The following XRCC4 variants were observed in gnomAD, a reference collection of about 807,000 sequenced individuals.
The protein encoded by XRCC4 is X-ray repair cross complementing 4, also known as DNA repair protein XRCC4.
In XRCC4, 28 loss-of-function variants were observed where a neutral mutation model predicts 39.1. That is an observed-to-expected ratio of 0.72 (90% CI 0.53 to 0.98). The LOEUF (loss-of-function observed/expected upper bound fraction) is 0.98. Ranked by LOEUF, XRCC4 falls within the 50% of genes least tolerant of loss-of-function variation. The pLI, the probability that XRCC4 is intolerant of heterozygous loss-of-function variation, is 0.00. For synonymous variants in XRCC4, 123 were observed against 126.4 expected, an observed-to-expected ratio of 0.97 and a Z score of 0.18; for missense variants, 350 against 376.4, an observed-to-expected ratio of 0.93 and a Z score of 0.58.
intron 3 of XRCC4, among the ~76,000 whole-genome samples, chr5:83,161,344 C>A (rs2112584844): frequency 6.6e-6 from 1 of 152,222 alleles, no homozygotes; most frequent in Admixed American, 6.5e-5. Flanking sequence ...GTTGGCCAGG[C>A]TGTTCGTGAA....
intron 1 of XRCC4, among the ~76,000 whole-genome samples, chr5:83,082,809 T>C (rs1247037520): frequency 6.6e-6 from 1 of 152,130 alleles, no homozygotes; most frequent in Non-Finnish European, 1.5e-5. Context: ...TCCTCCAGTG[T>C]GGCCTAAGGA....
intron 7 of XRCC4, among the ~76,000 whole-genome samples, chr5:83,352,494 A>AATCCATTG (rs1183613035): frequency 6.6e-6 from 1 of 152,212 alleles, no homozygotes; most frequent in East Asian, 1.9e-4. Flanking sequence ...CTTAGGATTC[A>AATCCATTG]AAGAAAATAT....
Position 83,225,312 on chromosome 5 carries a change from A to C in XRCC4, c.745+20391A>C, listed in dbSNP as rs183813278. Among the ~76,000 whole-genome samples, 120 of 152,138 alleles carry C rather than the reference A, an allele frequency of 7.9e-4. No homozygotes were observed. The Middle Eastern group carries it at 0.01, about 13-fold the overall frequency. ...TTGAATGTGTGTTCTAGTTCCTTCT[A>C]TCTTCATGATGCGGCTGGGTGTGGG... On this transcript the variant is annotated intron_variant, in intron 6 of 7. Coordinates refer to ENST00000396027, the MANE Select transcript of XRCC4 (RefSeq NM_003401.5).
intron 7 of XRCC4, among the ~76,000 whole-genome samples, chr5:83,270,338 T>A (rs1245739134): frequency 1.3e-5 from 2 of 152,180 alleles, no homozygotes; most frequent in East Asian, 3.8e-4. Context: ...AAGCCTTAAA[T>A]TTAAGAGTTA....
chr5:83,347,817 C>T (rs765627611), intron 7 of XRCC4, among the ~76,000 whole-genome samples: 11 of 152,152 alleles, frequency 7.2e-5, no homozygotes, highest in African/African-American at 1.9e-4. Flanking sequence ...CAAGTCTCTT[C>T]GACCTACGAG....
intron 3 of XRCC4, among the ~76,000 whole-genome samples, chr5:83,163,729 C>T (rs562560814): frequency 6.6e-6 from 1 of 152,296 alleles, no homozygotes; most frequent in Non-Finnish European, 1.5e-5. Context: ...TATTCATCCA[C>T]ATATAATATG....
rs149712305 is a variant in XRCC4 at position 83,123,502 on chromosome 5, T to C, written c.315+12299T>C. Among the ~76,000 whole-genome samples the C allele has an allele frequency of 6.2e-3, 936 of 152,016 alleles. 9 individuals are homozygous for C. Among genetic ancestry groups the C allele is most frequent in the African/African-American group, 0.022 (899 of 41,460 alleles). On this transcript the variant is annotated intron_variant, in intron 3 of 7. Transcript: ENST00000396027. ...CAGTCTATCAATCTGTGTTTTTCCA[T>C]TGGGATGTTTAGGCCATTTATGTTT... is the stretch of plus-strand genomic sequence containing the variant.
At chr5:83,104,866 T>A in intron 1 of XRCC4, 44 bp from the exon 2 acceptor site, 1 of 1,572,310 alleles carries the variant, frequency 6.4e-7, no homozygotes, top group Non-Finnish European at 8.7e-7. Flanking sequence ...ATTATTTGAG[T>A]TACAGTTTCT....
intron 3 of XRCC4, among the ~76,000 whole-genome samples, chr5:83,117,631 ATGTG>A (rs70973379): frequency 0.32 from 45,822 of 145,398 alleles, 7,696 homozygotes; most frequent in East Asian, 0.62. Flanking sequence ...CTACATATAT[ATGTG>A]TGTGTGTGTG....
At chr5:83,128,493 A>C (rs6452515) in intron 3 of XRCC4, among the ~76,000 whole-genome samples, 74,395 of 151,846 alleles carry the variant, frequency 0.49, 19,171 homozygotes, top group African/African-American at 0.63. Context: ...ATACCCAGTA[A>C]TGGGATGGCT....
intron 1 of XRCC4, among the ~76,000 whole-genome samples, chr5:83,098,174 A>T (rs938346371): frequency 6.6e-6 from 1 of 152,138 alleles, no homozygotes; most frequent in Admixed American, 6.5e-5. Context: ...ATGAGAGGTA[A>T]TTAAGAATGG....
intron 6 of XRCC4, among the ~76,000 whole-genome samples, chr5:83,241,364 T>C (rs981873005): frequency 2.6e-5 from 4 of 152,302 alleles, no homozygotes; most frequent in Admixed American, 1.3e-4. Context: ...TGATTTATAT[T>C]GAAATTCAAG....
intron 1 of XRCC4, among the ~76,000 whole-genome samples, chr5:83,093,321 C>T (rs1428232645): frequency 6.6e-6 from 1 of 152,030 alleles, no homozygotes; most frequent in East Asian, 1.9e-4. Context: ...ATAAAGCAAA[C>T]ATTAAAGGGT....
chr5:83,202,479 CTAGATAGG>C (rs1487774594), intron 4 of XRCC4, among the ~76,000 whole-genome samples: 2 of 152,070 alleles, frequency 1.3e-5, no homozygotes, highest in Non-Finnish European at 2.9e-5. Context: ...CTTTGCATCT[CTAGATAGG>C]TAGATTGTTG....
intron 7 of XRCC4, among the ~76,000 whole-genome samples, chr5:83,321,497 G>T (rs978924696): frequency 6.6e-6 from 1 of 152,098 alleles, no homozygotes; most frequent in Non-Finnish European, 1.5e-5. Flanking sequence ...GAAAATCTCA[G>T]ATTAAATTAT....
intron 3 of XRCC4, among the ~76,000 whole-genome samples, chr5:83,178,028 G>T (rs1468596960): frequency 1.3e-5 from 2 of 152,130 alleles, no homozygotes; most frequent in African/African-American, 4.8e-5. Context: ...GGGGGACAGA[G>T]TGGAGAGCTA....
chr5:83,093,802 G>T (rs1290784093), intron 1 of XRCC4, among the ~76,000 whole-genome samples: 2 of 152,112 alleles, frequency 1.3e-5, no homozygotes, highest in Non-Finnish European at 2.9e-5. Flanking sequence ...ATGGGATGTT[G>T]TAAAAGTTTT....
At chr5:83,130,843 A>G (rs975314924) in intron 3 of XRCC4, among the ~76,000 whole-genome samples, 5 of 151,928 alleles carry the variant, frequency 3.3e-5, no homozygotes, top group African/African-American at 1.2e-4. Flanking sequence ...TATTGCATCT[A>G]TTTGATTCTT....
At chr5:83,133,775 G>C (rs972445150) in intron 3 of XRCC4, among the ~76,000 whole-genome samples, 1 of 149,274 alleles carries the variant, frequency 6.7e-6, no homozygotes, top group Non-Finnish European at 1.5e-5. Flanking sequence ...TGATTTTCCA[G>C]TTGAGAGGTG....
Sources: gnomAD v4.1 joint callset for allele counts (sites outside exome capture counted in the v4.1 genomes callset) on GRCh38, gnomAD v4.1.1 for gene constraint, MANE v1.5 for transcripts, NCBI Gene and HGNC (gene_info 2026-07-23, HGNC 2026-07-21) for gene names.